The following MACROD2 variants were observed in gnomAD, a reference collection of about 807,000 sequenced individuals.
The protein encoded by MACROD2 is ADP-ribose glycohydrolase MACROD2.
MACROD2 carries 36 observed loss-of-function variants against 70.4 expected under a neutral mutation model. The observed-to-expected ratio is 0.51, with a 90% CI of 0.39 to 0.68. MACROD2 has a LOEUF of 0.68. Ranked by LOEUF, MACROD2 falls within the 30% of genes least tolerant of loss-of-function variation. MACROD2 has a pLI of 0.00. For missense variants in MACROD2, 496 were observed against 538.4 expected, an observed-to-expected ratio of 0.92 and a Z score of 0.78; for synonymous variants, 172 against 178.8, an observed-to-expected ratio of 0.96 and a Z score of 0.30.
At chr20:14,096,571 G>A (rs943960679) in intron 3 of MACROD2, among the ~76,000 whole-genome samples, 2 of 151,992 alleles carry the variant, frequency 1.3e-5, no homozygotes, top group African/African-American at 4.8e-5. Context: ...GTTTTGCCAT[G>A]TTGGCCAAAC....
At chr20:14,595,309 T>G (rs1009064500) in intron 4 of MACROD2, among the ~76,000 whole-genome samples, 4 of 152,098 alleles carry the variant, frequency 2.6e-5, no homozygotes, top group African/African-American at 7.2e-5. Context: ...AAATACACAG[T>G]GACTCTCCAC....
chr20:14,033,019 ACT>A (rs780892790), intron 2 of MACROD2, among the ~76,000 whole-genome samples: 7 of 149,468 alleles, frequency 4.7e-5, no homozygotes, highest in African/African-American at 1.5e-4. Flanking sequence ...CTAAATTAAG[ACT>A]CTCTTCATTC....
intron 4 of MACROD2, among the ~76,000 whole-genome samples, chr20:14,517,516 A>G (rs1363393083): frequency 6.6e-6 from 1 of 152,098 alleles, no homozygotes. Context: ...GGAGGGGAAC[A>G]TCACACACCG....
intron 3 of MACROD2, among the ~76,000 whole-genome samples, chr20:14,259,220 C>T (rs1364900182): frequency 3.9e-5 from 6 of 152,102 alleles, no homozygotes; most frequent in Non-Finnish European, 8.8e-5. Flanking sequence ...GGATTACAGG[C>T]AAAAGATTTC....
chr20:15,998,556 A>T (rs2066663646), intron 15 of MACROD2, among the ~76,000 whole-genome samples: 3 of 133,306 alleles, frequency 2.3e-5, no homozygotes, highest in African/African-American at 2.6e-5. Context: ...TATTTATTTG[A>T]GTTCTCTCTT....
chr20:14,365,454 T>C (rs1281005177), intron 3 of MACROD2, among the ~76,000 whole-genome samples: 1 of 151,796 alleles, frequency 6.6e-6, no homozygotes, highest in Non-Finnish European at 1.5e-5. Flanking sequence ...TTTCATGCTA[T>C]AAAACATAAT....
At chr20:14,672,563 A>G (rs1387619290) in intron 4 of MACROD2, among the ~76,000 whole-genome samples, 1 of 152,204 alleles carries the variant, frequency 6.6e-6, no homozygotes, top group Non-Finnish European at 1.5e-5. Flanking sequence ...AACCTTTATG[A>G]AAGGTCTACC....
intron 15 of MACROD2, among the ~76,000 whole-genome samples, chr20:16,031,476 T>C (rs1454541702): frequency 6.6e-6 from 1 of 152,172 alleles, no homozygotes; most frequent in Non-Finnish European, 1.5e-5. Flanking sequence ...CACTCGGAAT[T>C]CATCCTTGGG....
intron 8 of MACROD2, among the ~76,000 whole-genome samples, chr20:15,529,066 C>T (rs895280805): frequency 3.3e-5 from 5 of 152,090 alleles, no homozygotes; most frequent in Non-Finnish European, 5.9e-5. Context: ...AATTGGGAGG[C>T]CTGAGTCAGT....
chr20:15,416,842 G>T (rs1344341445), intron 6 of MACROD2, among the ~76,000 whole-genome samples: 1 of 152,152 alleles, frequency 6.6e-6, no homozygotes, highest in East Asian at 1.9e-4. Context: ...GGCAGAGCTT[G>T]CAGTGAGCCG....
chr20:15,699,063 A>C (rs1003600974), intron 8 of MACROD2, among the ~76,000 whole-genome samples: 1 of 151,804 alleles, frequency 6.6e-6, no homozygotes. Flanking sequence ...ATTAACCTCC[A>C]GGATTCTTTT....
At chr20:14,447,644 A>T (rs2084197714) in intron 3 of MACROD2, among the ~76,000 whole-genome samples, 1 of 151,952 alleles carries the variant, frequency 6.6e-6, no homozygotes, top group Non-Finnish European at 1.5e-5. Context: ...TCTGAAAGTG[A>T]AAAGCTGTCA....
At chr20:15,431,851 T>A (rs2046367567) in intron 7 of MACROD2, among the ~76,000 whole-genome samples, 1 of 152,084 alleles carries the variant, frequency 6.6e-6, no homozygotes. Context: ...CATATATCTG[T>A]GTTTTCAAAT....
chr20:15,122,116 A>G (rs2076035316), intron 5 of MACROD2, among the ~76,000 whole-genome samples: 1 of 152,210 alleles, frequency 6.6e-6, no homozygotes, highest in South Asian at 2.1e-4. Flanking sequence ...AAACAAACAA[A>G]ATGATGAGAG....
chr20:15,475,786 A>G (rs574225380), intron 7 of MACROD2, among the ~76,000 whole-genome samples: 2 of 152,336 alleles, frequency 1.3e-5, no homozygotes, highest in Non-Finnish European at 2.9e-5. Flanking sequence ...TGGCTGCTGC[A>G]GGCTTGCCCA....
chr20:15,414,936 A>G (rs965353831), intron 6 of MACROD2, among the ~76,000 whole-genome samples: 14 of 152,184 alleles, frequency 9.2e-5, no homozygotes, highest in Admixed American at 6.5e-4. Flanking sequence ...AAATGATTGG[A>G]TACACATTGG....
At chr20:14,278,089 A>T (rs889763294) in intron 3 of MACROD2, among the ~76,000 whole-genome samples, 5 of 152,260 alleles carry the variant, frequency 3.3e-5, no homozygotes, top group African/African-American at 9.6e-5. Flanking sequence ...TTCAATCAGA[A>T]TTAGTGTATA....
At chr20:14,349,641 T>C (rs994348708) in intron 3 of MACROD2, among the ~76,000 whole-genome samples, 1 of 133,884 alleles carries the variant, frequency 7.5e-6, no homozygotes. Flanking sequence ...CAGACCCTGG[T>C]AACCATTCTT....
intron 5 of MACROD2, among the ~76,000 whole-genome samples, chr20:14,789,658 T>G (rs2072425448): frequency 6.6e-6 from 1 of 151,424 alleles, no homozygotes; most frequent in African/African-American, 2.4e-5. Context: ...GTATTTTTAG[T>G]AGAAGCGAGG....
Sources: gnomAD v4.1 joint callset for allele counts (sites outside exome capture counted in the v4.1 genomes callset) on GRCh38, gnomAD v4.1.1 for gene constraint, MANE v1.5 for transcripts, NCBI Gene and HGNC (gene_info 2026-07-23, HGNC 2026-07-21) for gene names.